FOXO1: variants seen among roughly 807,000 people sequenced by gnomAD.
FOXO1 encodes the protein forkhead box O1.
Under a neutral mutation model 44.1 loss-of-function variants are expected in FOXO1, and 6 were observed. The observed-to-expected ratio is 0.14, with a 90% CI of 0.07 to 0.27. The LOEUF is 0.27. FOXO1 is among the 10% of genes least tolerant of loss of function. The pLI is 1.00. For synonymous variants in FOXO1, 380 were observed against 362.7 expected, an observed-to-expected ratio of 1.05 and a Z score of -0.54; for missense variants, 737 against 888.8, an observed-to-expected ratio of 0.83 and a Z score of 2.17.
chr13:40,626,667 A>G (rs769486943), intron 1 of FOXO1, among the ~76,000 whole-genome samples: 2 of 152,204 alleles, frequency 1.3e-5, no homozygotes, highest in African/African-American at 2.4e-5. Context: ...CCGTCCTTAA[A>G]GTGAACGTCT....
At chr13:40,593,866 T>G (rs1300014023) in intron 1 of FOXO1, among the ~76,000 whole-genome samples, 1 of 152,180 alleles carries the variant, frequency 6.6e-6, no homozygotes, top group Non-Finnish European at 1.5e-5. Flanking sequence ...ATAATTTGCA[T>G]TTAGTTAAGA....
intron 1 of FOXO1, among the ~76,000 whole-genome samples, chr13:40,664,570 A>T (rs1878154150): frequency 6.6e-6 from 1 of 152,040 alleles, no homozygotes; most frequent in Admixed American, 6.5e-5. Flanking sequence ...TTGGTCGCAA[A>T]GCCCCCCCGC....
chr13:40,566,292 C>G (rs562924640), intron 1 of FOXO1, among the ~76,000 whole-genome samples: 2 of 152,238 alleles, frequency 1.3e-5, no homozygotes, highest in South Asian at 4.2e-4. Context: ...CACATGCCCT[C>G]CCCAGGATGC....
At chr13:40,627,311 A>G (rs1023883213) in intron 1 of FOXO1, among the ~76,000 whole-genome samples, 1 of 152,220 alleles carries the variant, frequency 6.6e-6, no homozygotes, top group African/African-American at 2.4e-5. Context: ...AAACCCTTGG[A>G]CACTTTAAAA....
Position 40,637,509 on chromosome 13 carries a change from C to T in FOXO1, c.630+28074G>A, listed in dbSNP as rs149341808. 3.8e-4 allele frequency among the ~76,000 whole-genome samples: 57 copies of T among 149,548 alleles called. 1 individual carries two copies. Among genetic ancestry groups the T allele is most frequent in the African/African-American group, 1.3e-3 (52 of 40,592 alleles). ...TGCTGGGATTTCACCCTCAACCTTACGTCTTCCTAGCTATCAAATTTTAAC... is the reference window on the plus strand; with the variant it reads ...TGCTGGGATTTCACCCTCAACCTTATGTCTTCCTAGCTATCAAATTTTAAC... On this transcript the variant is annotated intron_variant, in intron 1 of 2. Transcript: ENST00000379561.
intron 1 of FOXO1, among the ~76,000 whole-genome samples, chr13:40,656,346 T>A (rs866851422): frequency 6.6e-6 from 1 of 152,244 alleles, no homozygotes; most frequent in African/African-American, 2.4e-5. Flanking sequence ...GCCTTAAGTA[T>A]ATTTTGAAAT....
chr13:40,558,576 T>A lies in FOXO1; in HGVS notation c.*473A>T, dbSNP rs1407438885. 46 of 321,944 alleles carry A rather than the reference T, an allele frequency of 1.4e-4. No homozygotes were observed. The Admixed American group carries it at 2.3e-3, about 16-fold the overall frequency. 19.9% of individuals were successfully genotyped at this position (321,944 alleles called of 1,614,324 possible). A position where few individuals can be genotyped will look rare whatever the true frequency, so the allele number is the denominator to read the frequency against. ...ATCCGTCAGTTCCGCAGAAAACAGG[T>A]AGTACAAACAAAAGTTTAACTTATC... On this transcript the variant is annotated 3_prime_UTR_variant, in exon 3 of 3. Transcript: ENST00000379561.
At chr13:40,564,762 T>A (rs1874196630) in intron 1 of FOXO1, among the ~76,000 whole-genome samples, 1 of 152,056 alleles carries the variant, frequency 6.6e-6, no homozygotes, top group Non-Finnish European at 1.5e-5. Flanking sequence ...AAATCCAGCG[T>A]TTCTACATGA....
At chr13:40,648,616 C>T (rs755892991) in intron 1 of FOXO1, among the ~76,000 whole-genome samples, 2 of 152,000 alleles carry the variant, frequency 1.3e-5, no homozygotes, top group Non-Finnish European at 2.9e-5. Flanking sequence ...CTTCCTCTGC[C>T]GAAGGAGCCA....
intron 1 of FOXO1, among the ~76,000 whole-genome samples, chr13:40,661,141 T>G (rs1343595096): frequency 6.6e-6 from 1 of 152,168 alleles, no homozygotes; most frequent in African/African-American, 2.4e-5. Context: ...AACAAAATGT[T>G]TTAGCTCTCA....
intron 1 of FOXO1, among the ~76,000 whole-genome samples, chr13:40,586,425 G>A (rs962423709): frequency 6.6e-6 from 1 of 152,088 alleles, no homozygotes; most frequent in Non-Finnish European, 1.5e-5. Context: ...TCCCATCCCC[G>A]GGTTTCCAGG....
At chr13:40,621,122 A>C in intron 1 of FOXO1, 1 of 364,484 alleles carries the variant, frequency 2.7e-6, no homozygotes. Context: ...ACCAAAGAGC[A>C]GACTGACAAT....
intron 1 of FOXO1, among the ~76,000 whole-genome samples, chr13:40,580,650 G>C (rs1426170175): frequency 6.6e-6 from 1 of 152,132 alleles, no homozygotes; most frequent in African/African-American, 2.4e-5. Context: ...CTGGCTCCAA[G>C]CAAGGCACAC....
chr13:40,608,450 C>T (rs1334091692), intron 1 of FOXO1, among the ~76,000 whole-genome samples: 2 of 152,194 alleles, frequency 1.3e-5, no homozygotes, highest in East Asian at 3.8e-4. Flanking sequence ...GAATCTCATA[C>T]ATGTGAGCAA....
chr13:40,589,345 TAAAG>T (rs1156575120), intron 1 of FOXO1, among the ~76,000 whole-genome samples: 3 of 151,854 alleles, frequency 2.0e-5, no homozygotes, highest in African/African-American at 7.3e-5. Flanking sequence ...ACAATGAAAT[TAAAG>T]AAAAAAAACT....
At chr13:40,619,276 AAGAGTG>A in intron 1 of FOXO1, 1 of 396,716 alleles carries the variant, frequency 2.5e-6, no homozygotes, top group Non-Finnish European at 4.7e-6. Context: ...CCTAGGCAGC[AAGAGTG>A]AAACTCCATC....
At chr13:40,653,518 G>A (rs1877753082) in intron 1 of FOXO1, among the ~76,000 whole-genome samples, 1 of 152,210 alleles carries the variant, frequency 6.6e-6, no homozygotes, top group African/African-American at 2.4e-5. Context: ...AAAGCCCAGT[G>A]CCTCCCGGCC....
At chr13:40,566,184 G>A (rs1874262463) in intron 1 of FOXO1, among the ~76,000 whole-genome samples, 1 of 152,152 alleles carries the variant, frequency 6.6e-6, no homozygotes, top group African/African-American at 2.4e-5. Context: ...GACCTCAACA[G>A]GCCAGTTGGG....
intron 1 of FOXO1, among the ~76,000 whole-genome samples, chr13:40,582,249 A>G (rs1361849514): frequency 6.6e-6 from 1 of 152,276 alleles, no homozygotes; most frequent in Non-Finnish European, 1.5e-5. Flanking sequence ...CATCTTAATT[A>G]AAAACTTTTA....
Sources: allele counts gnomAD v4.1 joint callset (sites outside exome capture counted in the v4.1 genomes callset), GRCh38; gene constraint gnomAD v4.1.1; transcripts MANE v1.5; gene names NCBI Gene and HGNC (gene_info 2026-07-23, HGNC 2026-07-21).